Variants in SARNP observed in about 807,000 individuals in gnomAD.
The protein encoded by SARNP is SAP domain containing ribonucleoprotein.
Under a neutral mutation model 38.1 loss-of-function variants are expected in SARNP, and 5 were observed. That is an observed-to-expected ratio of 0.13 (90% CI 0.07 to 0.28). The LOEUF is 0.28. Among genes scored for constraint, SARNP ranks in the 10% least tolerant of loss-of-function variants. The pLI, the probability that SARNP is intolerant of heterozygous loss-of-function variation, is 1.00. For missense variants in SARNP, 180 were observed against 243.9 expected (o/e 0.74, Z 1.75); for synonymous variants, 84 against 80.6 (o/e 1.04, Z -0.23).
intron 9 of SARNP, among the ~76,000 whole-genome samples, chr12:55,778,044 T>C (rs1053973068): frequency 6.6e-6 from 1 of 152,188 alleles, no homozygotes; most frequent in Non-Finnish European, 1.5e-5. Context: ...GTATTTGTGT[T>C]ACAGACAAAA....
intron 10 of SARNP, among the ~76,000 whole-genome samples, chr12:55,759,782 G>C (rs1258314098): frequency 2.0e-5 from 3 of 151,454 alleles, no homozygotes; most frequent in Non-Finnish European, 2.9e-5. Context: ...CTATTGCCCA[G>C]GCTGGAGTAC....
At chr12:55,792,569 G>A (rs1463972189) in intron 7 of SARNP, 11 of 119,590 alleles carry the variant, frequency 9.2e-5, no homozygotes, top group African/African-American at 3.3e-4. Flanking sequence ...ATTTTTAGTA[G>A]AGAAGGGTTT....
At chr12:55,817,331 C>T (rs760126990) in intron 1 of SARNP, among the ~76,000 whole-genome samples, 18 of 152,114 alleles carry the variant, frequency 1.2e-4, no homozygotes, top group Non-Finnish European at 2.9e-5. Context: ...CGACATGGGG[C>T]AAAAAGGAGG....
intron 9 of SARNP, among the ~76,000 whole-genome samples, chr12:55,764,768 G>C (rs937339943): frequency 1.3e-5 from 2 of 148,264 alleles, no homozygotes; most frequent in African/African-American, 5.0e-5. Context: ...AGAGGCGGAG[G>C]TTGCAGGGAG....
At chr12:55,809,492 C>T (rs187673946) in intron 1 of SARNP, among the ~76,000 whole-genome samples, 1 of 151,624 alleles carries the variant, frequency 6.6e-6, no homozygotes, top group Non-Finnish European at 1.5e-5. Flanking sequence ...CAGTGATTCA[C>T]ATCTGTCATC....
At chr12:55,796,560 G>A (rs888693237) in intron 4 of SARNP, among the ~76,000 whole-genome samples, 5 of 151,960 alleles carry the variant, frequency 3.3e-5, no homozygotes, top group African/African-American at 4.8e-5. Flanking sequence ...CTGCCACCAC[G>A]CCGAGCTAAT....
chr12:55,770,936 CTTTTTTT>C (rs376573673), intron 9 of SARNP, among the ~76,000 whole-genome samples: 1 of 135,462 alleles, frequency 7.4e-6, no homozygotes, highest in Non-Finnish European at 1.6e-5. Context: ...CTTCTTCAAT[CTTTTTTT>C]TTTTTTTTTT....
chr12:55,779,931 G>C (rs1879291693), intron 9 of SARNP, among the ~76,000 whole-genome samples: 1 of 152,170 alleles, frequency 6.6e-6, no homozygotes, highest in Admixed American at 6.6e-5. Context: ...AGGATCACTT[G>C]AGCCCAAGAG....
chr12:55,778,888 T>C (rs1879262291), intron 9 of SARNP, among the ~76,000 whole-genome samples: 1 of 152,186 alleles, frequency 6.6e-6, no homozygotes, highest in Non-Finnish European at 1.5e-5. Flanking sequence ...GGAGAATCAC[T>C]TGAACCTGAG....
intron 9 of SARNP, chr12:55,761,737 C>A (rs1878681613): frequency 6.6e-6 from 1 of 152,186 alleles, no homozygotes; most frequent in African/African-American, 2.4e-5. Context: ...TCTCTTTCTC[C>A]ACCTCCCCCT....
intron 5 of SARNP, among the ~76,000 whole-genome samples, chr12:55,795,085 G>C (rs758615171): frequency 6.6e-5 from 10 of 151,798 alleles, no homozygotes; most frequent in Admixed American, 1.3e-4. Flanking sequence ...TCAGCCTCCT[G>C]AGTAGCTGGG....
chr12:55,777,500 G>A (rs955391895), intron 9 of SARNP, among the ~76,000 whole-genome samples: 13 of 151,136 alleles, frequency 8.6e-5, no homozygotes, highest in African/African-American at 2.7e-4. Flanking sequence ...TCAGCCTCCC[G>A]AGTAGCTGGG....
chr12:55,761,946 GTTTC>G (rs1177227061), intron 9 of SARNP: 1 of 152,218 alleles, frequency 6.6e-6, no homozygotes, highest in Non-Finnish European at 1.5e-5. Flanking sequence ...GAGCAGGACA[GTTTC>G]TTTGACTTTA....
At position 55,800,601 on chromosome 12, in the gene SARNP, G is replaced by A; in HGVS notation, c.212C>T (p.Pro71Leu). 1 of 1,612,302 alleles carries A rather than the reference G, an allele frequency of 6.2e-7. No individual in the cohort carries two copies. Among genetic ancestry groups the A allele is most frequent in the African/African-American group, 1.3e-5 (1 of 74,872 alleles). The part of the protein sequence containing the change: ...EEEETKPIEL[P>L]VKEEEPPEKT... ...TTCAGGGGGTTCTTCCTCTTTGACA[G>A]GGAGCTCAATGGGCTTTGTTTCTTC... Residue 71 changes from proline (P) to leucine (L), a missense_variant, in exon 4 of 11, where the codon CCT becomes CTT. Around this residue, in one of 2 missense-constraint regions of SARNP, gnomAD observed 161 missense variants for 194.1 expected, o/e 0.83. Coordinates refer to ENST00000336133, the MANE Select transcript of SARNP (RefSeq NM_033082.4).
intron 1 of SARNP, among the ~76,000 whole-genome samples, chr12:55,810,683 C>T (rs1041238548): frequency 6.6e-6 from 1 of 150,982 alleles, no homozygotes; most frequent in Admixed American, 6.6e-5. Flanking sequence ...GAACTCCTGA[C>T]CTCAGGTGAT....
intron 9 of SARNP, among the ~76,000 whole-genome samples, chr12:55,781,402 C>T (rs1407352348): frequency 4.6e-5 from 7 of 151,892 alleles, no homozygotes; most frequent in African/African-American, 9.7e-5. Context: ...GGCGTTGTGG[C>T]GGGTGACTGC....
At chr12:55,816,485 A>ATT in intron 1 of SARNP, among the ~76,000 whole-genome samples, 1 of 152,222 alleles carries the variant, frequency 6.6e-6, no homozygotes, top group Non-Finnish European at 1.5e-5. Context: ...AGAATCCAAG[A>ATT]GTAAGAAAAA....
In SARNP at chr12:55,780,777, A is replaced by G. The variant is rs376091766; in HGVS notation, c.501+8298T>C. Among the ~76,000 whole-genome samples, 8 of 152,296 alleles carry G rather than the reference A, an allele frequency of 5.3e-5. No homozygotes were observed. In the South Asian group the frequency reaches 1.7e-3, roughly 32 times the overall value. On this transcript the variant is annotated intron_variant, in intron 9 of 10. Transcript: ENST00000336133. Reference sequence around the variant, plus strand: ...CAACACAAGCATTGCTCTAATGGGGAAGTAGTAGGGATATGCTGGACAAGG... The same window carrying G: ...CAACACAAGCATTGCTCTAATGGGGGAGTAGTAGGGATATGCTGGACAAGG...
rs1266372141 is a variant in SARNP, at chr12:55,794,824, T to C, written c.360A>G (p.Lys120=). ...FNVPVSLESK[K]AARAARFGIS... ...ACACTCACCTAGCTGCCCGAGCAGC[T>C]TTCTTACTCTCCAAGCTCACAGGTA... Residue 120 remains lysine (K), a synonymous_variant, in exon 6 of 11, where the codon AAA becomes AAG. Transcript: ENST00000336133. The C allele has an allele frequency of 3.1e-6, 5 of 1,611,766 alleles. No homozygotes were observed. Among genetic ancestry groups the C allele is most frequent in the Non-Finnish European group, 2.5e-6 (3 of 1,178,214 alleles).
Sources: allele counts gnomAD v4.1 joint callset (sites outside exome capture counted in the v4.1 genomes callset), GRCh38; gene constraint gnomAD v4.1.1; regional missense constraint gnomAD v4.1.1; transcripts MANE v1.5; gene names NCBI Gene and HGNC (gene_info 2026-07-23, HGNC 2026-07-21).